Variants in FMN1 observed in about 807,000 individuals in gnomAD.
The protein encoded by FMN1 is formin 1, also known as formin-1.
Under a neutral mutation model 132.4 loss-of-function variants are expected in FMN1, and 110 were observed. The observed-to-expected ratio is 0.83, with a 90% CI of 0.71 to 0.97. The LOEUF (loss-of-function observed/expected upper bound fraction) is 0.97, where lower values mean the gene tolerates loss of function less well. Ranked by LOEUF, FMN1 falls within the 50% of genes least tolerant of loss-of-function variation. FMN1 has a pLI of 0.00. For synonymous variants in FMN1, 722 were observed against 651.7 expected (o/e 1.11, Z -1.64); for missense variants, 1,792 against 1,705.3 (o/e 1.05, Z -0.90).
intron 19 of FMN1, among the ~76,000 whole-genome samples, chr15:32,794,114 T>G (rs1190646559): frequency 2.6e-5 from 4 of 152,112 alleles, no homozygotes; most frequent in Admixed American, 2.6e-4. Context: ...TAATCACCCA[T>G]AACAGCAGCA....
intron 6 of FMN1, chr15:33,062,860 C>G (rs1208699786): frequency 6.6e-6 from 1 of 152,116 alleles, no homozygotes; most frequent in Non-Finnish European, 1.5e-5. Context: ...GTAAACAAAT[C>G]CCTCACATTA....
intron 20 of FMN1, among the ~76,000 whole-genome samples, chr15:32,776,281 CTGGACTT>C (rs2056414857): frequency 6.6e-6 from 1 of 152,184 alleles, no homozygotes; most frequent in African/African-American, 2.4e-5. Context: ...CTACTGAAAA[CTGGACTT>C]TGGAGGACAA....
chr15:32,986,047 C>T (rs1447776615), intron 7 of FMN1, among the ~76,000 whole-genome samples: 1 of 151,976 alleles, frequency 6.6e-6, no homozygotes, highest in African/African-American at 2.4e-5. Context: ...CGCTGAGCAA[C>T]AAAAAGAGCC....
chr15:32,899,997 G>T lies in FMN1; in HGVS notation c.3636C>A (p.Leu1212=), dbSNP rs768051512. ...TAAATACCCGACTTTTGACATCCTT[G>T]AGTTTGGGCAGAATTTCTAAGCTAT... ...DGYSLEILPK[L]KDVKSRDNGI... Residue 1212 remains leucine (L), a synonymous_variant, in exon 14 of 21, where the codon CTC becomes CTA. Transcript: ENST00000616417. 2 of 1,613,746 alleles carry T rather than the reference G, an allele frequency of 1.2e-6. No homozygotes were observed. The highest frequency in any genetic ancestry group is 8.5e-7 in the Non-Finnish European group (1 of 1,179,832).
intron 17 of FMN1, among the ~76,000 whole-genome samples, chr15:32,816,203 A>G (rs1397921744): frequency 6.6e-6 from 1 of 152,180 alleles, no homozygotes; most frequent in East Asian, 1.9e-4. Context: ...GTATCCCTAC[A>G]GTAAGCTCCC....
At chr15:32,806,784 C>T (rs777608221) in intron 17 of FMN1, among the ~76,000 whole-genome samples, 13 of 152,202 alleles carry the variant, frequency 8.5e-5, no homozygotes, top group African/African-American at 1.2e-4. Context: ...GATGGGCTCC[C>T]TCACTGCATT....
chr15:32,892,815 C>T (rs1432374796), intron 15 of FMN1, among the ~76,000 whole-genome samples: 2 of 152,138 alleles, frequency 1.3e-5, no homozygotes, highest in Non-Finnish European at 2.9e-5. Context: ...AGCAATTTAT[C>T]CATCTCTTCT....
intron 6 of FMN1, among the ~76,000 whole-genome samples, chr15:33,008,438 G>A (rs2034531930): frequency 6.6e-6 from 1 of 151,960 alleles, no homozygotes; most frequent in South Asian, 2.1e-4. Flanking sequence ...GAGCAGACAG[G>A]GCAGGAAACA....
chr15:32,785,501 G>A (rs1422932770), intron 19 of FMN1, among the ~76,000 whole-genome samples: 1 of 151,804 alleles, frequency 6.6e-6, no homozygotes, highest in Non-Finnish European at 1.5e-5. Context: ...ATAGGTAACT[G>A]GCCCCTGAAA....
At chr15:32,816,353 T>A (rs1277926248) in intron 17 of FMN1, among the ~76,000 whole-genome samples, 2 of 152,194 alleles carry the variant, frequency 1.3e-5, no homozygotes, top group Non-Finnish European at 2.9e-5. Context: ...TCAAAAGGTA[T>A]ATCACACACA....
intron 17 of FMN1, among the ~76,000 whole-genome samples, chr15:32,848,358 G>GT (rs35415825): frequency 0.75 from 113,817 of 151,556 alleles, 43,237 homozygotes; most frequent in Middle Eastern, 0.82. Context: ...GTGCACACGT[G>GT]TGTGTGTATT....
intron 9 of FMN1, among the ~76,000 whole-genome samples, chr15:32,947,518 A>G (rs1276984898): frequency 6.6e-6 from 1 of 152,026 alleles, no homozygotes; most frequent in African/African-American, 2.4e-5. Flanking sequence ...TTGTTCTTGC[A>G]TGCAAATTTT....
At chr15:32,923,957 T>TCAAGA (rs59615361) in intron 10 of FMN1, among the ~76,000 whole-genome samples, 65,973 of 151,756 alleles carry the variant, frequency 0.43, 15,051 homozygotes, top group African/African-American at 0.58. Context: ...GAGACCACTG[T>TCAAGA]CAAGACCGTT....
At chr15:32,879,602 C>A (rs532212072) in intron 16 of FMN1, among the ~76,000 whole-genome samples, 4 of 152,126 alleles carry the variant, frequency 2.6e-5, no homozygotes, top group African/African-American at 7.2e-5. Flanking sequence ...CCTCAGGCAT[C>A]GCCTCATCTG....
intron 6 of FMN1, among the ~76,000 whole-genome samples, chr15:33,030,612 T>A (rs1166177426): frequency 6.6e-6 from 1 of 152,226 alleles, no homozygotes; most frequent in Non-Finnish European, 1.5e-5. Flanking sequence ...CATGTTTTAA[T>A]GTTTACAAAT....
At chr15:32,818,844 T>C (rs992748063) in intron 17 of FMN1, among the ~76,000 whole-genome samples, 5 of 151,260 alleles carry the variant, frequency 3.3e-5, no homozygotes, top group Admixed American at 2.0e-4. Context: ...TCAAATATTA[T>C]GCAAACTGGA....
intron 3 of FMN1, among the ~76,000 whole-genome samples, chr15:33,177,296 C>G (rs1965547323): frequency 6.6e-6 from 1 of 152,174 alleles, no homozygotes; most frequent in Non-Finnish European, 1.5e-5. Flanking sequence ...ACTAATTCCT[C>G]TTCTTTAGGT....
chr15:32,844,108 T>C (rs2058805425), intron 17 of FMN1, among the ~76,000 whole-genome samples: 1 of 151,856 alleles, frequency 6.6e-6, no homozygotes, highest in African/African-American at 2.4e-5. Flanking sequence ...CACGACTTTT[T>C]CAAGGCTCAG....
chr15:32,855,446 A>G (rs2059109807), intron 17 of FMN1, among the ~76,000 whole-genome samples: 1 of 152,228 alleles, frequency 6.6e-6, no homozygotes, highest in African/African-American at 2.4e-5. Flanking sequence ...CTAGTAGAGA[A>G]GAGGCTAACA....
Sources: allele counts gnomAD v4.1 joint callset (sites outside exome capture counted in the v4.1 genomes callset), GRCh38; gene constraint gnomAD v4.1.1; transcripts MANE v1.5; gene names NCBI Gene and HGNC (gene_info 2026-07-23, HGNC 2026-07-21).